Variants in FNIP2 observed in about 807,000 individuals in gnomAD.
The protein encoded by FNIP2 is folliculin-interacting protein 2.
Under a neutral mutation model 108.7 loss-of-function variants are expected in FNIP2, and 32 were observed. That is an observed-to-expected ratio of 0.29 (90% confidence interval 0.22 to 0.40). The LOEUF (loss-of-function observed/expected upper bound fraction) is 0.40. Among genes scored for constraint, FNIP2 ranks in the 10% least tolerant of loss-of-function variants. The pLI is 1.00. For synonymous variants in FNIP2, 480 were observed against 496.7 expected (o/e 0.97, Z 0.45); for missense variants, 1,202 against 1,381.6 (o/e 0.87, Z 2.06).
At chr4:158,854,683 A>G (rs1405497855) in intron 8 of FNIP2, among the ~76,000 whole-genome samples, 1 of 152,260 alleles carries the variant, frequency 6.6e-6, no homozygotes, top group African/African-American at 2.4e-5. Flanking sequence ...CTGTATTTTT[A>G]TGCTTAAGTT....
At chr4:158,811,409 C>T (rs535906141) in intron 1 of FNIP2, among the ~76,000 whole-genome samples, 2 of 152,264 alleles carry the variant, frequency 1.3e-5, no homozygotes, top group South Asian at 2.1e-4. Context: ...AGAACCTAGA[C>T]TTAATACCAG....
chr4:158,868,463 C>A lies in FNIP2; in HGVS notation c.1827C>A (p.Asp609Glu). The change falls in exon 13 of 17, where the codon GAC becomes GAA. Residue 609 changes from aspartate (D) to glutamate (E), a missense_variant. Coordinates refer to ENST00000264433, the MANE Select transcript of FNIP2 (RefSeq NM_020840.3). The surrounding 1 kb of genome is among the most constrained non-coding windows in gnomAD (Gnocchi z 4.6). Reference sequence around the variant, plus strand: ...GCCCAGAGGGCACTGACAGTAGAGACCTGGGTCTTAAACCTGACAAAGAAG... The same window carrying A: ...GCCCAGAGGGCACTGACAGTAGAGAACTGGGTCTTAAACCTGACAAAGAAG... Reference protein sequence around the residue: ...PECPEGTDSRDLGLKPDKEAN... With the variant: ...PECPEGTDSRELGLKPDKEAN... 2.5e-6 allele frequency: 4 copies of A among 1,614,036 alleles called. No homozygotes were observed. The highest frequency in any genetic ancestry group is 3.4e-6 in the Non-Finnish European group (4 of 1,179,900).
chr4:158,806,352 G>A (rs947517048), intron 1 of FNIP2: 15 of 1,289,250 alleles, frequency 1.2e-5, no homozygotes, highest in South Asian at 2.5e-5. Flanking sequence ...TTTACAGGGC[G>A]CTTTTATGCA....
At chr4:158,896,776 C>T (rs1418512165) in intron 16 of FNIP2, among the ~76,000 whole-genome samples, 1 of 145,438 alleles carries the variant, frequency 6.9e-6, no homozygotes, top group Non-Finnish European at 1.5e-5. Flanking sequence ...GTCTCTTTGT[C>T]GTTTTTTTTT....
chr4:158,770,058 A>G (rs1002087574), intron 1 of FNIP2, among the ~76,000 whole-genome samples: 1 of 152,176 alleles, frequency 6.6e-6, no homozygotes, highest in African/African-American at 2.4e-5. Flanking sequence ...CAATGCGGTG[A>G]GGTGGGTGCT....
chr4:158,780,245 A>G (rs1775997596), intron 1 of FNIP2, among the ~76,000 whole-genome samples: 1 of 152,066 alleles, frequency 6.6e-6, no homozygotes, highest in African/African-American at 2.4e-5. Flanking sequence ...TTCTATTATA[A>G]TACAAATAGC....
chr4:158,806,077 T>A, intron 1 of FNIP2: 1 of 1,013,280 alleles, frequency 9.9e-7, no homozygotes, highest in Non-Finnish European at 1.2e-6. Context: ...GGGAAATTAG[T>A]ACACTGCTGT....
intron 1 of FNIP2, chr4:158,795,752 C>G (rs1002255627): frequency 6.6e-6 from 1 of 152,322 alleles, no homozygotes; most frequent in African/African-American, 2.4e-5. Flanking sequence ...AACTCCGCCT[C>G]CTGTCAGATC....
intron 5 of FNIP2, among the ~76,000 whole-genome samples, 153 bp downstream of exon 5, chr4:158,832,291 A>G (rs1778529767): frequency 6.6e-6 from 1 of 152,228 alleles, no homozygotes; most frequent in Non-Finnish European, 1.5e-5. Context: ...CTGTCCTATA[A>G]ACAGTGAGTG....
Position 158,870,449 on chromosome 4 carries a change from G to A in FNIP2, c.2929G>A (p.Asp977Asn), listed in dbSNP as rs772478112. ...GAAGCTGAAGCAGTGCCTGGTGGCC[G>A]ACCTTGTCCACACAGTCCATGTAAG... ...DEKLKQCLVA[D>N]LVHTVHHPVL... Residue 977 changes from aspartate (D) to asparagine (N), a missense_variant, in exon 14 of 17, where the codon GAC becomes AAC. Physicochemically the swap from Asp to Asn is conservative, Grantham distance 23. This residue lies in a region of FNIP2 where 142 missense variants were observed against 183.8 expected (regional missense o/e 0.77). Transcript: ENST00000264433. 13 of 1,612,278 alleles carry A rather than the reference G, an allele frequency of 8.1e-6. No homozygotes were observed. The highest frequency in any genetic ancestry group is 1.7e-5 in the Admixed American group (1 of 59,610).
intron 7 of FNIP2, among the ~76,000 whole-genome samples, chr4:158,846,043 A>G (rs1490311515): frequency 1.3e-5 from 2 of 152,318 alleles, no homozygotes; most frequent in African/African-American, 2.4e-5. Flanking sequence ...TAGTACACCA[A>G]GTTGTCTTAC....
chr4:158,904,520 T>C lies in FNIP2; in HGVS notation c.3321T>C (p.Pro1107=), dbSNP rs769651105. Residue 1107 remains proline, a synonymous_variant, in exon 17 of 17, where the codon CCT becomes CCC. Transcript: ENST00000264433. ...LLTAIASTHS[P]YVAQILL ...CTGCTATTGCCAGTACTCATTCTCC[T>C]TATGTGGCTCAAATACTCTTATAAG... 6.2e-7 allele frequency: 1 copy of C among 1,613,234 alleles called. No individual in the cohort carries two copies. The highest frequency in any genetic ancestry group is 8.5e-7 in the Non-Finnish European group (1 of 1,179,784).
At chr4:158,780,962 G>A (rs550459533) in intron 1 of FNIP2, among the ~76,000 whole-genome samples, 6 of 151,320 alleles carry the variant, frequency 4.0e-5, no homozygotes, top group East Asian at 2.0e-4. Context: ...TCGAACCCCA[G>A]AGGCGGAGGT....
At chr4:158,791,784 C>T (rs764097885) in intron 1 of FNIP2, among the ~76,000 whole-genome samples, 4 of 152,232 alleles carry the variant, frequency 2.6e-5, no homozygotes, top group African/African-American at 7.2e-5. Flanking sequence ...TCTCTACATT[C>T]GGCATTCTGC....
chr4:158,858,653 G>C (rs1780119547), intron 8 of FNIP2, among the ~76,000 whole-genome samples: 1 of 152,034 alleles, frequency 6.6e-6, no homozygotes, highest in Admixed American at 6.5e-5. Context: ...ATGTTCAAAT[G>C]TTTACTCTTG....
At chr4:158,774,262 G>A (rs558854506) in intron 1 of FNIP2, among the ~76,000 whole-genome samples, 2 of 152,154 alleles carry the variant, frequency 1.3e-5, no homozygotes, top group Non-Finnish European at 2.9e-5. Context: ...TTGCCAAGAG[G>A]TAGGTGAAAA....
chr4:158,891,731 A>C, intron 15 of FNIP2, 85 bp downstream of exon 15: 1 of 1,281,226 alleles, frequency 7.8e-7, no homozygotes, highest in Non-Finnish European at 1.1e-6. Flanking sequence ...ACAAATTCAA[A>C]AGTACTGTTT....
At chr4:158,873,714 C>T (rs1015794326) in intron 14 of FNIP2, among the ~76,000 whole-genome samples, 2 of 152,312 alleles carry the variant, frequency 1.3e-5, no homozygotes, top group East Asian at 1.9e-4. Flanking sequence ...AATATTTAAA[C>T]ACGTATTCTT....
At chr4:158,813,044 T>G (rs1346783394) in intron 1 of FNIP2, among the ~76,000 whole-genome samples, 3 of 152,122 alleles carry the variant, frequency 2.0e-5, no homozygotes, top group African/African-American at 7.2e-5. Context: ...CAAGGTCCCT[T>G]CATGTCTCTT....
Sources: gnomAD v4.1 joint callset for allele counts (sites outside exome capture counted in the v4.1 genomes callset) on GRCh38, gnomAD v4.1.1 for gene constraint, gnomAD v4.1.1 regional missense constraint, Gnocchi (gnomAD v3.1) non-coding constraint, MANE v1.5 for transcripts, NCBI Gene and HGNC (gene_info 2026-07-23, HGNC 2026-07-21) for gene names.